The following HIF1AN variants were observed in gnomAD, a reference collection of about 807,000 sequenced individuals.
HIF1AN encodes hypoxia inducible factor 1 subunit alpha inhibitor, also known as hypoxia-inducible factor 1-alpha inhibitor.
A neutral mutation model predicts 47.7 loss-of-function variants in HIF1AN; 21 were observed. That is an observed-to-expected ratio of 0.44 (90% CI 0.31 to 0.63). HIF1AN has a LOEUF of 0.63. Among genes scored for constraint, HIF1AN ranks in the 30% least tolerant of loss-of-function variants. HIF1AN has a pLI of 0.07. For synonymous variants in HIF1AN, 152 were observed against 155.9 expected, an observed-to-expected ratio of 0.98 and a Z score of 0.18; for missense variants, 320 against 432.7, an observed-to-expected ratio of 0.74 and a Z score of 2.31.
rs892782055 is a variant in HIF1AN, at chr10:100,553,459, G to T, written c.*5322G>T. 25 of 152,184 alleles carry T rather than the reference G, an allele frequency of 1.6e-4. No homozygotes were observed. Among genetic ancestry groups the T allele is most frequent in the African/African-American group, 5.8e-4 (24 of 41,426 alleles). The allele number at this position is 152,184 out of a possible 1,614,324, so 9.4% of individuals were successfully genotyped here. On this transcript the variant is annotated 3_prime_UTR_variant, in exon 8 of 8. Coordinates refer to ENST00000299163, the MANE Select transcript of HIF1AN (RefSeq NM_017902.3). ...AGGAGTAGAGATCTTAATGAGAAAG[G>T]CCCTGGCAGCTGGAGAGATGAGAGG...
chr10:100,551,289 G>A lies in HIF1AN; in HGVS notation c.*3152G>A, dbSNP rs1219092588. On this transcript the variant is annotated 3_prime_UTR_variant, in exon 8 of 8. Transcript: ENST00000299163. ...TGCTCTCATTTGCGTAATGGTTTCT[G>A]TCACTGGTGATTAGACACAGGATGA... 1 of 152,218 alleles carries A rather than the reference G, an allele frequency of 6.6e-6. No homozygotes were observed. Among genetic ancestry groups the A allele is most frequent in the African/African-American group, 2.4e-5 (1 of 41,454 alleles). The allele number at this position is 152,218 out of a possible 1,614,324, so 9.4% of individuals were successfully genotyped here.
chr10:100,552,550 C>CA lies in HIF1AN; in HGVS notation c.*4416dup, dbSNP rs2133734700. ...CCTGCATACTTCTCTGATGTCTTCT[C>CA]AAACTGTTGGCTCTAAAGGGATGTT... is the stretch of plus-strand genomic sequence containing the variant. On this transcript the variant is annotated 3_prime_UTR_variant, in exon 8 of 8. Transcript: ENST00000299163. 6.6e-6 allele frequency: 1 copy of CA among 152,516 alleles called. No individual in the cohort carries two copies. The highest frequency in any genetic ancestry group is 2.4e-5 in the African/African-American group (1 of 41,570). The allele number at this position is 152,516 out of a possible 1,614,324, so 9.4% of individuals were successfully genotyped here. A position where few individuals can be genotyped will look rare whatever the true frequency, so the allele number is the denominator to read the frequency against.
intron 5 of HIF1AN, 121 bp from the exon 6 acceptor site, chr10:100,546,397 A>G (rs1843093914): frequency 2.7e-6 from 2 of 746,290 alleles, no homozygotes; most frequent in South Asian, 1.5e-5. Context: ...TGTCTTCACT[A>G]TTTTCCGTAA....
rs1366660112 is a variant in HIF1AN at position 100,550,349 on chromosome 10, TTTCTC to T, written c.*2215_*2219del. 6.6e-6 allele frequency: 1 copy of T among 152,234 alleles called. No individual in the cohort carries two copies. Among genetic ancestry groups the T allele is most frequent in the African/African-American group, 2.4e-5 (1 of 41,448 alleles). The allele number at this position is 152,234 out of a possible 1,614,324, so 9.4% of individuals were successfully genotyped here. A position where few individuals can be genotyped will look rare whatever the true frequency, so the allele number is the denominator to read the frequency against. On this transcript the variant is annotated 3_prime_UTR_variant, in exon 8 of 8. Coordinates refer to ENST00000299163, the MANE Select transcript of HIF1AN (RefSeq NM_017902.3). ...AGACACCTAATATGTGCCTAGTGCT[TTTCTC>T]TTTGTTCCTCACTATCCTGCAAGGT...
Position 100,536,074 on chromosome 10 carries a change from C to G in HIF1AN, c.116C>G (p.Thr39Ser). 1.2e-6 allele frequency: 2 copies of G among 1,612,664 alleles called. No individual in the cohort carries two copies. Among genetic ancestry groups the G allele is most frequent in the South Asian group, 1.1e-5 (1 of 91,018 alleles). Reference protein sequence around the residue: ...ESQLRSYSFPTRPIPRLSQSD... With the variant: ...ESQLRSYSFPSRPIPRLSQSD... ...CAGTTGCGCAGTTATAGCTTCCCGA[C>G]TAGGCCCATTCCGCGTCTGAGTCAG... The change falls in exon 1 of 8, where the codon ACT (threonine) becomes AGT (serine). Residue 39 changes from threonine to serine, a missense_variant. Transcript: ENST00000299163.
chr10:100,555,875 T>C lies in HIF1AN; in HGVS notation c.*7738T>C, dbSNP rs2133737306. On this transcript the variant is annotated 3_prime_UTR_variant, in exon 8 of 8. Coordinates refer to ENST00000299163, the MANE Select transcript of HIF1AN (RefSeq NM_017902.3). ...AGGTTTTTATTACCTCTTGAATATA[T>C]ATAGTGCAATATAGTGTAGTGGTTG... is the stretch of plus-strand genomic sequence containing the variant. 6.6e-6 allele frequency: 1 copy of C among 152,378 alleles called. No individual in the cohort carries two copies. The highest frequency in any genetic ancestry group is 1.9e-4 in the East Asian group (1 of 5,196). The allele number at this position is 152,378 out of a possible 1,614,324, so 9.4% of individuals were successfully genotyped here.
Position 100,536,017 on chromosome 10 carries a change from C to G in HIF1AN, c.59C>G (p.Ala20Gly). 6.3e-7 allele frequency: 1 copy of G among 1,586,462 alleles called. No homozygotes were observed. The change falls in exon 1 of 8, where the codon GCT (alanine) becomes GGT (glycine). Residue 20 changes from alanine to glycine, a missense_variant. Ala to Gly is a moderately conservative substitution (Grantham distance 60). Around this residue, in one of 2 missense-constraint regions of HIF1AN, gnomAD observed 159 missense variants for 159.9 expected, o/e 0.99. Coordinates refer to ENST00000299163, the MANE Select transcript of HIF1AN (RefSeq NM_017902.3). ...ASGSGEPREE[A>G]GALGPAWDES... is the part of the protein sequence containing the mutation. ...GGCTCTGGAGAGCCCCGGGAGGAGGCTGGAGCCCTCGGCCCCGCCTGGGAT... is the reference window on the plus strand; with the variant it reads ...GGCTCTGGAGAGCCCCGGGAGGAGGGTGGAGCCCTCGGCCCCGCCTGGGAT...
chr10:100,559,275 T>C lies in HIF1AN; in HGVS notation c.*11138T>C, dbSNP rs1249485555. On this transcript the variant is annotated 3_prime_UTR_variant, in exon 8 of 8. Transcript: ENST00000299163. Reference sequence around the variant, plus strand: ...AATACATTAATCATATAAATGCCATTTAAGTGTTTAAAGGAGTTTAGTTAA... The same window carrying C: ...AATACATTAATCATATAAATGCCATCTAAGTGTTTAAAGGAGTTTAGTTAA... The C allele has an allele frequency of 6.6e-6, 1 of 152,218 alleles. No homozygotes were observed. Among genetic ancestry groups the C allele is most frequent in the African/African-American group, 2.4e-5 (1 of 41,448 alleles). 9.4% of individuals were successfully genotyped at this position (152,218 alleles called of 1,614,324 possible). A position where few individuals can be genotyped will look rare whatever the true frequency, so the allele number is the denominator to read the frequency against.
At position 100,540,793 on chromosome 10, in the gene HIF1AN, T is replaced by G; in HGVS notation, c.577+11T>G. ...TCATTGGCATGGAAGGTAAGAAATC[T>G]TTCAAAAGCAGCATGGCTTGGAGTC... On this transcript the variant is annotated intron_variant, in intron 3 of 7. Coordinates refer to ENST00000299163, the MANE Select transcript of HIF1AN (RefSeq NM_017902.3). 6.2e-7 allele frequency: 1 copy of G among 1,600,642 alleles called. No homozygotes were observed. The highest frequency in any genetic ancestry group is 1.4e-5 in the African/African-American group (1 of 73,946).
At chr10:100,545,140 A>G in intron 4 of HIF1AN, 44 bp downstream of exon 4, 1 of 1,587,628 alleles carries the variant, frequency 6.3e-7, no homozygotes, top group Non-Finnish European at 8.6e-7. Context: ...TCTAGATTCT[A>G]GTAATGCCTA....
chr10:100,543,805 C>A (rs1843068909), intron 3 of HIF1AN, among the ~76,000 whole-genome samples: 1 of 152,174 alleles, frequency 6.6e-6, no homozygotes, highest in Non-Finnish European at 1.5e-5. Flanking sequence ...ATCTCCTGAC[C>A]TCATGATCCC....
chr10:100,540,241 A>G (rs1435134514), intron 2 of HIF1AN, among the ~76,000 whole-genome samples: 3 of 151,868 alleles, frequency 2.0e-5, no homozygotes, highest in Non-Finnish European at 4.4e-5. Context: ...GTGACCCAAA[A>G]AAGGTTAAGC....
At chr10:100,545,764 C>T (rs1380247686) in intron 4 of HIF1AN, among the ~76,000 whole-genome samples, 179 bp from the exon 5 acceptor site, 4 of 152,090 alleles carry the variant, frequency 2.6e-5, no homozygotes, top group African/African-American at 7.2e-5. Context: ...TTATATTGTT[C>T]TCTCTCAGGG....
chr10:100,543,382 T>TG (rs1417307081), intron 3 of HIF1AN, among the ~76,000 whole-genome samples: 2 of 152,074 alleles, frequency 1.3e-5, no homozygotes, highest in Non-Finnish European at 2.9e-5. Flanking sequence ...TCTGTAGAGA[T>TG]GGGGGTCTCC....
intron 3 of HIF1AN, among the ~76,000 whole-genome samples, chr10:100,541,324 G>A (rs1843025671): frequency 6.6e-6 from 1 of 152,210 alleles, no homozygotes; most frequent in South Asian, 2.1e-4. Context: ...CCAGAAGTTT[G>A]AGGCTACAGT....
At chr10:100,540,915 T>A in intron 3 of HIF1AN, 133 bp downstream of exon 3, 2 of 846,214 alleles carry the variant, frequency 2.4e-6, no homozygotes, top group Non-Finnish European at 1.7e-6. Flanking sequence ...TACTCAGCTC[T>A]AAAAGAAACA....
At position 100,543,774 on chromosome 10, in the gene HIF1AN, G is replaced by A. The variant is rs7088519; in HGVS notation, c.578-1177G>A. 3.5e-3 allele frequency among the ~76,000 whole-genome samples: 539 copies of A among 152,228 alleles called. 2 individuals are homozygous for A. The highest frequency in any genetic ancestry group is 0.011 in the African/African-American group (469 of 41,556). ...GTTATAATAGAGACGGAGTTTCACC[G>A]TGTTAGCCAGGATGGTCTCAATCTC... On this transcript the variant is annotated intron_variant, in intron 3 of 7. Coordinates refer to ENST00000299163, the MANE Select transcript of HIF1AN (RefSeq NM_017902.3).
Position 100,549,753 on chromosome 10 carries a change from CTTT to C in HIF1AN, c.*1629_*1631del, listed in dbSNP as rs761978570. ...GTTGGAAGGTCTCTGGTTTTCTTTTCTTTTTTTTTTTTTTTGCCAAAGGTTTAC... is the reference window on the plus strand; with the variant it reads ...GTTGGAAGGTCTCTGGTTTTCTTTTCTTTTTTTTTTTTGCCAAAGGTTTAC... On this transcript the variant is annotated 3_prime_UTR_variant, in exon 8 of 8. Coordinates refer to ENST00000299163, the MANE Select transcript of HIF1AN (RefSeq NM_017902.3). 18 of 137,670 alleles carry C rather than the reference CTTT, an allele frequency of 1.3e-4. No individual in the cohort carries two copies. Among genetic ancestry groups the C allele is most frequent in the Non-Finnish European group, 1.3e-4 (8 of 62,674 alleles). 8.5% of individuals were successfully genotyped at this position (137,670 alleles called of 1,614,324 possible).
intron 6 of HIF1AN, 98 bp downstream of exon 6, chr10:100,546,679 C>G: frequency 1.1e-6 from 1 of 886,440 alleles, no homozygotes; most frequent in Non-Finnish European, 1.9e-6. Context: ...TTGACTATCC[C>G]TGGAAGTGAT....
Sources: allele counts gnomAD v4.1 joint callset (sites outside exome capture counted in the v4.1 genomes callset), GRCh38; gene constraint gnomAD v4.1.1; regional missense constraint gnomAD v4.1.1; transcripts MANE v1.5; gene names NCBI Gene and HGNC (gene_info 2026-07-23, HGNC 2026-07-21).